The following KIAA2012 variants were observed in gnomAD, a reference collection of about 807,000 sequenced individuals.
The protein encoded by KIAA2012 is uncharacterized protein KIAA2012.
Under a neutral mutation model 150.6 loss-of-function variants are expected in KIAA2012, and 125 were observed. That is an observed-to-expected ratio of 0.83 (90% CI 0.72 to 0.96). The LOEUF (loss-of-function observed/expected upper bound fraction) is 0.96, where lower values mean the gene tolerates loss of function less well. Among genes scored for constraint, KIAA2012 ranks in the 40% least tolerant of loss-of-function variants. The probability of loss-of-function intolerance (pLI) is 0.00; values close to 1 mark genes in which losing one functional copy is unlikely to be tolerated. For missense variants in KIAA2012, 1,219 were observed against 1,354.9 expected (o/e 0.90, Z 1.57); for synonymous variants, 462 against 504.7 (o/e 0.92, Z 1.13).
chr2:202,202,908 CAG>C (rs1351434057), intron 23 of KIAA2012, among the ~76,000 whole-genome samples: 2 of 150,420 alleles, frequency 1.3e-5, no homozygotes, highest in East Asian at 3.9e-4. Context: ...GCCTGGGTGA[CAG>C]AGTGGGACCC....
Position 202,190,207 on chromosome 2 carries a change from T to C in KIAA2012, c.2525T>C (p.Leu842Ser), listed in dbSNP as rs1205920646. Reference sequence around the variant, plus strand: ...AAGGACTCAAAGGCTAAAAAAAAATTAGAAAAAAAAACAAGACCCCAAAGG... The same window carrying C: ...AAGGACTCAAAGGCTAAAAAAAAATCAGAAAAAAAAACAAGACCCCAAAGG... ...KSKDSKAKKK[L>S]EKKTRPQRKR... is the part of the protein sequence containing the mutation. Residue 842 changes from leucine (L) to serine (S), a missense_variant, in exon 19 of 24, where the codon TTA becomes TCA. Transcript: ENST00000498697. 1.3e-6 allele frequency: 2 copies of C among 1,517,322 alleles called. No individual in the cohort carries two copies. The highest frequency in any genetic ancestry group is 1.8e-6 in the Non-Finnish European group (2 of 1,138,706). The allele number at this position is 1,517,322 out of a possible 1,614,324, so 94.0% of individuals were successfully genotyped here.
chr2:202,081,507 A>G (rs895359848), intron 2 of KIAA2012, among the ~76,000 whole-genome samples: 2 of 150,042 alleles, frequency 1.3e-5, no homozygotes, highest in Non-Finnish European at 1.5e-5. Flanking sequence ...CCATATCCTC[A>G]TCAACACTTG....
At chr2:202,185,709 C>G (rs917336476) in intron 16 of KIAA2012, among the ~76,000 whole-genome samples, 1 of 151,522 alleles carries the variant, frequency 6.6e-6, no homozygotes, top group Non-Finnish European at 1.5e-5. Context: ...TCAGGCTTGA[C>G]AGAGGGATTC....
At chr2:202,103,262 A>G (rs1690099298) in intron 8 of KIAA2012, 148 bp downstream of exon 8, 1 of 786,432 alleles carries the variant, frequency 1.3e-6, no homozygotes, top group South Asian at 2.1e-5. Flanking sequence ...GATAAAATCT[A>G]GAAGAAGATC....
At chr2:202,083,789 A>G (rs1689503972) in intron 2 of KIAA2012, among the ~76,000 whole-genome samples, 1 of 152,172 alleles carries the variant, frequency 6.6e-6, no homozygotes, top group Admixed American at 6.5e-5. Context: ...TCTACCCAAC[A>G]GGAGTGCACA....
At chr2:202,196,447 G>C (rs550559973) in intron 21 of KIAA2012, among the ~76,000 whole-genome samples, 1 of 151,236 alleles carries the variant, frequency 6.6e-6, no homozygotes, top group Non-Finnish European at 1.5e-5. Flanking sequence ...CGCCCGCCTC[G>C]GCCTCCCAAA....
Position 202,109,621 on chromosome 2 carries a change from GC to G in KIAA2012, c.1487del (p.Pro496HisfsTer44), listed in dbSNP as rs1317501196. The G allele has an allele frequency of 1.4e-5, 22 of 1,530,920 alleles. No individual in the cohort carries two copies. The East Asian group carries it at 5.4e-4, about 38-fold the overall frequency. The allele number at this position is 1,530,920 out of a possible 1,614,324, so 94.8% of individuals were successfully genotyped here. A position where few individuals can be genotyped will look rare whatever the true frequency, so the allele number is the denominator to read the frequency against. ...RDTLSPQDDDAPPHDVAPPLD... is the reference protein window; with the variant it reads ...RDTLSPQDDDXPPHDVAPPLD... Reference sequence around the variant, plus strand: ...CCCTTTTGTTTTTAAAGATGATGATGCCCCACCTCACGATGTGGCCCCACCA... The same window carrying G: ...CCCTTTTGTTTTTAAAGATGATGATGCCCACCTCACGATGTGGCCCCACCA... On this transcript the variant is annotated frameshift_variant, in exon 10 of 24. Coordinates refer to ENST00000498697, the MANE Select transcript of KIAA2012 (RefSeq NM_001277372.4). LOFTEE classifies it high-confidence loss of function.
intron 23 of KIAA2012, 108 bp from the exon 24 acceptor site, chr2:202,204,886 TAAGA>T (rs1236208827): frequency 6.6e-6 from 1 of 152,180 alleles, no homozygotes; most frequent in Admixed American, 6.5e-5. Context: ...CTTAATCAGA[TAAGA>T]AAGGAGCATC....
At chr2:202,195,977 C>A (rs80189340) in intron 21 of KIAA2012, among the ~76,000 whole-genome samples, 16,050 of 151,840 alleles carry the variant, frequency 0.11, 1,034 homozygotes, top group Non-Finnish European at 0.13. Flanking sequence ...GGGAAGAGTG[C>A]AGCAATAAAC....
chr2:202,138,484 G>C lies in KIAA2012; in HGVS notation c.1884G>C (p.Pro628=). The part of the protein sequence containing the change: ...NLHMNLYETS[P]LTQTTEKQGA... ...ACATGAACCTTTATGAAACCTCACC[G>C]TTGACCCAAACAACAGAGAAGCAGG... Residue 628 remains proline (P), a synonymous_variant, in exon 13 of 24, where the codon CCG becomes CCC. Transcript: ENST00000498697. The C allele has an allele frequency of 6.5e-7, 1 of 1,550,196 alleles. No individual in the cohort carries two copies. The highest frequency in any genetic ancestry group is 8.7e-7 in the Non-Finnish European group (1 of 1,146,724).
At chr2:202,140,145 T>C (rs1302688057) in intron 13 of KIAA2012, among the ~76,000 whole-genome samples, 2 of 152,090 alleles carry the variant, frequency 1.3e-5, no homozygotes, top group Non-Finnish European at 2.9e-5. Flanking sequence ...GGAGAATCGC[T>C]TGAATGCAGA....
intron 15 of KIAA2012, chr2:202,179,401 G>A: frequency 1.3e-6 from 1 of 762,252 alleles, no homozygotes; most frequent in East Asian, 2.8e-5. Flanking sequence ...CCCTGTCAGT[G>A]GGAATTAAAG....
chr2:202,121,117 G>T (rs1204030045), intron 11 of KIAA2012, among the ~76,000 whole-genome samples: 1 of 152,138 alleles, frequency 6.6e-6, no homozygotes, highest in African/African-American at 2.4e-5. Flanking sequence ...CTTGGTCGTG[G>T]TAATAGCTTC....
At chr2:202,096,062 C>A (rs180912133) in intron 4 of KIAA2012, among the ~76,000 whole-genome samples, 1 of 151,968 alleles carries the variant, frequency 6.6e-6, no homozygotes, top group African/African-American at 2.4e-5. Flanking sequence ...CCAGCCTGGG[C>A]AACAGAGTGA....
chr2:202,179,329 A>G (rs1451118056), intron 15 of KIAA2012: 6 of 1,156,998 alleles, frequency 5.2e-6, no homozygotes, highest in Non-Finnish European at 7.7e-6. Context: ...CGCTGACTAC[A>G]TTCAGCCCGT....
chr2:202,100,220 TA>T, intron 6 of KIAA2012, 86 bp from the exon 7 acceptor site: 1 of 1,380,856 alleles, frequency 7.2e-7, no homozygotes, highest in Non-Finnish European at 9.9e-7. Context: ...TTCTCCCCAT[TA>T]ACTACGACGT....
At chr2:202,088,125 C>T (rs1689621149) in intron 2 of KIAA2012, among the ~76,000 whole-genome samples, 1 of 151,916 alleles carries the variant, frequency 6.6e-6, no homozygotes, top group African/African-American at 2.4e-5. Context: ...ATATTACTAC[C>T]ACCATTTTAT....
At chr2:202,114,108 C>A (rs1370391347) in intron 11 of KIAA2012, 1 of 152,164 alleles carries the variant, frequency 6.6e-6, no homozygotes, top group East Asian at 1.9e-4. Flanking sequence ...TACGTCATGA[C>A]CCGCTCAATA....
At chr2:202,094,902 AG>A (rs898248411) in intron 4 of KIAA2012, among the ~76,000 whole-genome samples, 2 of 152,156 alleles carry the variant, frequency 1.3e-5, no homozygotes, top group Non-Finnish European at 2.9e-5. Context: ...TATACCAAGG[AG>A]CTGTCACAAT....
Sources: gnomAD v4.1 joint callset for allele counts (sites outside exome capture counted in the v4.1 genomes callset) on GRCh38, gnomAD v4.1.1 for gene constraint, MANE v1.5 for transcripts, NCBI Gene and HGNC (gene_info 2026-07-23, HGNC 2026-07-21) for gene names.